Variants in RANBP2 observed in about 807,000 individuals in gnomAD.
The protein encoded by RANBP2 is RAN binding protein 2.
A neutral mutation model predicts 303.6 loss-of-function variants in RANBP2; 57 were observed. The observed-to-expected ratio is 0.19, with a 90% CI of 0.15 to 0.23. The LOEUF is 0.23. RANBP2 is among the 10% of genes least tolerant of loss of function. RANBP2 has a pLI of 1.00. For synonymous variants in RANBP2, 1,167 were observed against 1,301.5 expected (o/e 0.90, Z 2.23); for missense variants, 3,138 against 3,780.8 (o/e 0.83, Z 4.46).
the RANBP2 span, among the ~76,000 whole-genome samples, chr2:108,854,108 TATATATA>T: frequency 7.4e-6 from 1 of 134,418 alleles, no homozygotes; most frequent in Non-Finnish European, 1.5e-5. Context: ...ATATAATAAA[TATATATA>T]ATATATACAT....
chr2:108,932,528 C>CA, the RANBP2 span, among the ~76,000 whole-genome samples: 3,829 of 37,964 alleles, frequency 0.1, 228 homozygotes, highest in African/African-American at 0.12. Context: ...GACTCTGTCT[C>CA]AAAAAAAAAA....
the RANBP2 span, among the ~76,000 whole-genome samples, chr2:108,842,077 A>G: frequency 1.3e-5 from 2 of 152,084 alleles, no homozygotes; most frequent in African/African-American, 4.8e-5. Context: ...TTGCTCAGGC[A>G]GGAGTGCAGT....
the RANBP2 span, among the ~76,000 whole-genome samples, chr2:109,181,125 G>A: frequency 1.3e-5 from 2 of 152,204 alleles, no homozygotes; most frequent in Non-Finnish European, 2.9e-5. Context: ...GATGGCTCAG[G>A]AAGGTCCTTC....
chr2:109,020,113 C>T, the RANBP2 span, among the ~76,000 whole-genome samples: 2 of 152,172 alleles, frequency 1.3e-5, no homozygotes, highest in African/African-American at 4.8e-5. Context: ...TCTTTTATAA[C>T]ACCACTGTTA....
chr2:109,225,327 C>T, the RANBP2 span, among the ~76,000 whole-genome samples: 10 of 152,340 alleles, frequency 6.6e-5, no homozygotes, highest in African/African-American at 2.4e-4. Context: ...GTGGAGAGAC[C>T]TGCAAGTAAC....
chr2:109,128,968 G>GCGCGCACCCC, the RANBP2 span: 1 of 422,002 alleles, frequency 2.4e-6, no homozygotes, highest in East Asian at 9.5e-5. Context: ...CGTGACCTCC[G>GCGCGCACCCC]CGCGCACCCC....
chr2:109,020,001 G>A, the RANBP2 span, among the ~76,000 whole-genome samples: 809 of 152,308 alleles, frequency 5.3e-3, 3 homozygotes, highest in African/African-American at 0.019. Flanking sequence ...GTGAAAAAGT[G>A]GGGGTGAAGT....
chr2:109,258,441 A>G, the RANBP2 span, among the ~76,000 whole-genome samples: 2 of 152,162 alleles, frequency 1.3e-5, no homozygotes, highest in Admixed American at 1.3e-4. Flanking sequence ...CCTCCTGGGT[A>G]TTGGAGGCTT....
the RANBP2 span, chr2:108,930,145 C>T: frequency 6.2e-7 from 1 of 1,613,882 alleles, no homozygotes; most frequent in Non-Finnish European, 8.5e-7. Flanking sequence ...TCCCGGCCCA[C>T]ACGGGGGGCA....
the RANBP2 span, among the ~76,000 whole-genome samples, chr2:109,207,155 T>C: frequency 6.6e-6 from 1 of 152,154 alleles, no homozygotes; most frequent in African/African-American, 2.4e-5. Flanking sequence ...GAGGGTGCAA[T>C]GACGACACAG....
chr2:109,396,136 T>C, the RANBP2 span, among the ~76,000 whole-genome samples: 32 of 152,186 alleles, frequency 2.1e-4, no homozygotes, highest in Non-Finnish European at 3.2e-4. Context: ...CTATACCCTG[T>C]CAAGTGGGCA....
At chr2:109,429,742 T>C in the RANBP2 span, among the ~76,000 whole-genome samples, 3 of 152,324 alleles carry the variant, frequency 2.0e-5, no homozygotes, top group East Asian at 5.8e-4. Flanking sequence ...CTCGAGCTTT[T>C]GTGTCCGCAG....
the RANBP2 span, among the ~76,000 whole-genome samples, chr2:109,110,428 C>G: frequency 6.6e-6 from 1 of 152,154 alleles, no homozygotes; most frequent in Non-Finnish European, 1.5e-5. Flanking sequence ...ATCTTGCGAT[C>G]ACTTAGGCAT....
the RANBP2 span, among the ~76,000 whole-genome samples, chr2:109,036,751 T>G: frequency 6.6e-6 from 1 of 152,160 alleles, no homozygotes; most frequent in Non-Finnish European, 1.5e-5. Flanking sequence ...CTCATGCCTG[T>G]AGTCCCAACA....
chr2:109,543,075 T>C, the RANBP2 span: 22 of 152,764 alleles, frequency 1.4e-4, no homozygotes, highest in East Asian at 1.3e-3. Flanking sequence ...TATCTATGAC[T>C]GTTAAGAAAT....
At chr2:109,318,555 G>A in the RANBP2 span, among the ~76,000 whole-genome samples, 2 of 152,194 alleles carry the variant, frequency 1.3e-5, no homozygotes, top group Non-Finnish European at 2.9e-5. Context: ...TTGTCCTTGC[G>A]GGTGTGTTGG....
chr2:109,247,194 G>A, the RANBP2 span, among the ~76,000 whole-genome samples: 2 of 152,154 alleles, frequency 1.3e-5, no homozygotes, highest in African/African-American at 2.4e-5. Flanking sequence ...ATGAGATAAG[G>A]GAGAACAGAA....
the RANBP2 span, among the ~76,000 whole-genome samples, chr2:109,526,543 C>T: frequency 7.2e-5 from 11 of 152,150 alleles, no homozygotes; most frequent in African/African-American, 2.7e-4. Context: ...AACTCCTGAC[C>T]TCAAGTGATC....
the RANBP2 span, among the ~76,000 whole-genome samples, chr2:109,097,350 CAAAACA>C: frequency 6.6e-6 from 1 of 150,574 alleles, no homozygotes; most frequent in African/African-American, 2.5e-5. Flanking sequence ...CAAAACAAAA[CAAAACA>C]AAACCTCTGA....
Sources: allele counts gnomAD v4.1 joint callset (sites outside exome capture counted in the v4.1 genomes callset), GRCh38; gene constraint gnomAD v4.1.1; transcripts MANE v1.5; gene names NCBI Gene and HGNC (gene_info 2026-07-23, HGNC 2026-07-21).